The following ZNF737 variants were observed in gnomAD, a reference collection of about 807,000 sequenced individuals.
ZNF737 encodes zinc finger protein 102 (Y3).
In ZNF737, 13 loss-of-function variants were observed where a neutral mutation model predicts 11.7. The ratio of observed to expected loss-of-function variants is 1.11; its 90% CI spans 0.73 to 1.77. ZNF737 has a LOEUF of 1.77. Ranked by LOEUF, ZNF737 falls within the 40% of genes most tolerant of loss-of-function variation. The pLI is 0.00. For missense variants in ZNF737, 636 were observed against 638.0 expected (o/e 1.00, Z 0.03); for synonymous variants, 217 against 216.2 (o/e 1.00, Z -0.03).
At position 20,544,624 on chromosome 19, in the gene ZNF737, G is replaced by A. The variant is rs375104545; in HGVS notation, c.1579C>T (p.His527Tyr). 21 of 1,608,350 alleles carry A rather than the reference G, an allele frequency of 1.3e-5. No homozygotes were observed. The Admixed American group carries it at 1.9e-4, about 14-fold the overall frequency. The change falls in exon 4 of 4, where the codon CAT (histidine) becomes TAT (tyrosine). Residue 527 changes from histidine (H) to tyrosine (Y), a missense_variant. Transcript: ENST00000427401. ...GFKCPSTLTT[H>Y]KVIHTGEKL Reference sequence around the variant, plus strand: ...TTCTCTCCAGTATGAATTACCTTATGTGTAGTAAGGGTAGAGGGGCACTTA... The same window carrying A: ...TTCTCTCCAGTATGAATTACCTTATATGTAGTAAGGGTAGAGGGGCACTTA...
At chr19:20,564,974 G>A (rs1341240495) in intron 1 of ZNF737, among the ~76,000 whole-genome samples, 16 of 137,960 alleles carry the variant, frequency 1.2e-4, no homozygotes, top group Admixed American at 6.2e-4. Flanking sequence ...TCTCACTGTC[G>A]CGCAGGCTGG....
At chr19:20,557,221 T>C (rs1223101368) in intron 1 of ZNF737, among the ~76,000 whole-genome samples, 1 of 152,162 alleles carries the variant, frequency 6.6e-6, no homozygotes, top group Admixed American at 6.5e-5. Context: ...AAATACATAC[T>C]TTATTTATCC....
In ZNF737 at chr19:20,542,790, A is replaced by C. The variant is rs2144600797; in HGVS notation, c.*1802T>G. 1.0e-6 allele frequency: 1 copy of C among 985,362 alleles called. No homozygotes were observed. Among genetic ancestry groups the C allele is most frequent in the South Asian group, 4.7e-5 (1 of 21,280 alleles). The allele number at this position is 985,362 out of a possible 1,614,324, so 61.0% of individuals were successfully genotyped here. On this transcript the variant is annotated 3_prime_UTR_variant, in exon 4 of 4. Coordinates refer to ENST00000427401, the MANE Select transcript of ZNF737 (RefSeq NM_001159293.2). ...TCATAATGTCCAAATAATGTAAAAA[A>C]ATCGAATATCTCTGATGCAGAAGCC...
At chr19:20,557,800 A>G (rs1968945181) in intron 1 of ZNF737, among the ~76,000 whole-genome samples, 1 of 151,898 alleles carries the variant, frequency 6.6e-6, no homozygotes, top group Non-Finnish European at 1.5e-5. Flanking sequence ...TATTATTAGT[A>G]GAGACAGCAT....
chr19:20,540,866 A>G lies in ZNF737; in HGVS notation c.*3726T>C, dbSNP rs530325623. The G allele has an allele frequency of 5.3e-6, 5 of 946,810 alleles. No homozygotes were observed. The East Asian group carries it at 5.8e-4, about 110-fold the overall frequency. The allele number at this position is 946,810 out of a possible 1,614,324, so 58.7% of individuals were successfully genotyped here. On this transcript the variant is annotated 3_prime_UTR_variant, in exon 4 of 4. Transcript: ENST00000427401. Reference sequence around the variant, plus strand: ...TTAGTTTTATTCATTACAAATAACTATTTTTCTGGCTTAAATTATTTTTTA... The same window carrying G: ...TTAGTTTTATTCATTACAAATAACTGTTTTTCTGGCTTAAATTATTTTTTA...
In ZNF737 at chr19:20,544,084, T is replaced by C; in HGVS notation, c.*508A>G. The C allele has an allele frequency of 1.1e-6, 1 of 946,580 alleles. No individual in the cohort carries two copies. Among genetic ancestry groups the C allele is most frequent in the Non-Finnish European group, 1.3e-6 (1 of 792,124 alleles). The allele number at this position is 946,580 out of a possible 1,614,324, so 58.6% of individuals were successfully genotyped here. A position where few individuals can be genotyped will look rare whatever the true frequency, so the allele number is the denominator to read the frequency against. ...CAGAGGTTGCAGTGAGCCGAGATCA[T>C]GGCACTGTACTCCAGCTTGGATGAC... On this transcript the variant is annotated 3_prime_UTR_variant, in exon 4 of 4. Transcript: ENST00000427401.
chr19:20,535,027 A>G (rs531819674), downstream of ZNF737, among the ~76,000 whole-genome samples: 7 of 150,142 alleles, frequency 4.7e-5, no homozygotes, highest in Non-Finnish European at 1.0e-4. Flanking sequence ...AAATTAAAAT[A>G]CTTCTAGAAA....
rs1968067036 is a variant in ZNF737, at chr19:20,538,476, C to T, written c.*6116G>A. ...CCCATTCCAGCCAATGAAAACCAGA[C>T]ACAGCAGTAGGGTGGACACGTCAAG... On this transcript the variant is annotated 3_prime_UTR_variant, in exon 4 of 4. Coordinates refer to ENST00000427401, the MANE Select transcript of ZNF737 (RefSeq NM_001159293.2). The T allele has an allele frequency of 5.4e-6, 1 of 185,870 alleles. No homozygotes were observed. The highest frequency in any genetic ancestry group is 1.8e-4 in the South Asian group (1 of 5,518). 11.5% of individuals were successfully genotyped at this position (185,870 alleles called of 1,614,324 possible).
At chr19:20,530,603 G>T in the ZNF737 span, among the ~76,000 whole-genome samples, 2 of 148,500 alleles carry the variant, frequency 1.3e-5, no homozygotes, top group African/African-American at 2.5e-5. Flanking sequence ...TCGTGGCCGG[G>T]CCGAGGTGCT....
chr19:20,548,567 TAA>T (rs1214341936), intron 3 of ZNF737, among the ~76,000 whole-genome samples: 1 of 152,136 alleles, frequency 6.6e-6, no homozygotes, highest in Admixed American at 6.6e-5. Flanking sequence ...GAAAACTTTC[TAA>T]AAGTCTTTTG....
intron 1 of ZNF737, among the ~76,000 whole-genome samples, chr19:20,560,514 C>T (rs1555762173): frequency 1.3e-5 from 2 of 152,012 alleles, no homozygotes; most frequent in Non-Finnish European, 2.9e-5. Flanking sequence ...GGCGCAGTGG[C>T]TCATGCCTGT....
rs140243612 is a variant in ZNF737 at position 20,560,995 on chromosome 19, A to G, written c.3+4643T>C. On this transcript the variant is annotated intron_variant, in intron 1 of 3. Transcript: ENST00000427401. The stretch of plus-strand genomic sequence containing the variant: ...ATGCTTAATACCTCAGTGACAAAAT[A>G]ATCTGCACGCAAAACCCCCATGCAC... 2.9e-3 allele frequency among the ~76,000 whole-genome samples: 440 copies of G among 152,238 alleles called. 2 individuals are homozygous for G. The highest frequency in any genetic ancestry group is 0.01 in the African/African-American group (422 of 41,544).
At position 20,545,157 on chromosome 19, in the gene ZNF737, G is replaced by A; in HGVS notation, c.1046C>T (p.Ala349Val). The A allele has an allele frequency of 1.5e-5, 24 of 1,611,352 alleles. No individual in the cohort carries two copies. The highest frequency in any genetic ancestry group is 2.0e-5 in the Non-Finnish European group (24 of 1,178,610). The change falls in exon 4 of 4, where the codon GCC becomes GTC. Residue 349 changes from alanine to valine, a missense_variant. By Grantham distance (64) the Ala-to-Val change is moderately conservative. Transcript: ENST00000427401. ...KPYKCEECGR[A>V]FKYFSSLTTH... is the part of the protein sequence containing the mutation. The stretch of plus-strand genomic sequence containing the variant: ...AGTAAGGGATGAGAAGTACTTAAAG[G>A]CTCTGCCACATTCTTCACATTTGTA...
At position 20,553,824 on chromosome 19, in the gene ZNF737, T is replaced by C. The variant is rs1599424721; in HGVS notation, c.15A>G (p.Gln5=). 3 of 1,613,520 alleles carry C rather than the reference T, an allele frequency of 1.9e-6. No individual in the cohort carries two copies. Among genetic ancestry groups the C allele is most frequent in the African/African-American group, 1.3e-5 (1 of 74,992 alleles). Residue 5 remains glutamine (Q), a synonymous_variant, in exon 2 of 4, where the codon CAA becomes CAG. Transcript: ENST00000427401. MGPL[Q]FRDVAIEFSL... is the part of the protein sequence containing the mutation. Reference sequence around the variant, plus strand: ...AGAATTCTATGGCCACGTCTCTAAATTGCAATGGCCCCTGAAACACACACA... The same window carrying C: ...AGAATTCTATGGCCACGTCTCTAAACTGCAATGGCCCCTGAAACACACACA...
downstream of ZNF737, among the ~76,000 whole-genome samples, chr19:20,533,599 G>T (rs33945): frequency 0.056 from 8,434 of 150,028 alleles, 715 homozygotes; most frequent in East Asian, 0.22. Context: ...TAGCATGTCA[G>T]AATAAAACAT....
chr19:20,557,936 A>G (rs1968950574), intron 1 of ZNF737, among the ~76,000 whole-genome samples: 1 of 152,068 alleles, frequency 6.6e-6, no homozygotes, highest in African/African-American at 2.4e-5. Flanking sequence ...ATTTTATTAG[A>G]AAATAAATAT....
At chr19:20,563,896 C>G (rs1265959890) in intron 1 of ZNF737, 2 of 152,062 alleles carry the variant, frequency 1.3e-5, no homozygotes, top group Non-Finnish European at 2.9e-5. Flanking sequence ...CCTGGTGCGG[C>G]AAATCATGCT....
rs537088034 is a variant in ZNF737, at chr19:20,546,114, G to A, written c.227-138C>T. ...ATACCACAAACTGTAATTTCTTCCT[G>A]GATACATAAATGTAACAAAAGTGGA... On this transcript the variant is annotated intron_variant, in intron 3 of 3. Transcript: ENST00000427401. 5.8e-4 allele frequency: 671 copies of A among 1,160,414 alleles called. 3 individuals carry two copies. The African/African-American group carries it at 9.7e-3, about 17-fold the overall frequency. 71.9% of individuals were successfully genotyped at this position (1,160,414 alleles called of 1,614,324 possible). A position where few individuals can be genotyped will look rare whatever the true frequency, so the allele number is the denominator to read the frequency against.
chr19:20,544,629 G>A lies in ZNF737; in HGVS notation c.1574C>T (p.Thr525Ile). Reference sequence around the variant, plus strand: ...TCCAGTATGAATTACCTTATGTGTAGTAAGGGTAGAGGGGCACTTAAAGCC... The same window carrying A: ...TCCAGTATGAATTACCTTATGTGTAATAAGGGTAGAGGGGCACTTAAAGCC... ...GKGFKCPSTLTTHKVIHTGEK... is the reference protein window; with the variant it reads ...GKGFKCPSTLITHKVIHTGEK... The change falls in exon 4 of 4, where the codon ACT (threonine) becomes ATT (isoleucine). Residue 525 changes from threonine (T) to isoleucine (I), a missense_variant. Transcript: ENST00000427401. The A allele has an allele frequency of 6.2e-7, 1 of 1,609,646 alleles. No homozygotes were observed. Among genetic ancestry groups the A allele is most frequent in the South Asian group, 1.1e-5 (1 of 90,706 alleles).
Sources: gnomAD v4.1 joint callset for allele counts (sites outside exome capture counted in the v4.1 genomes callset) on GRCh38, gnomAD v4.1.1 for gene constraint, MANE v1.5 for transcripts, NCBI Gene and HGNC (gene_info 2026-07-23, HGNC 2026-07-21) for gene names.